Variants in IPPK observed in about 807,000 individuals in gnomAD.
The protein encoded by IPPK is inositol-pentakisphosphate 2-kinase, also known as IPK1 homolog.
Under a neutral mutation model 64.6 loss-of-function variants are expected in IPPK, and 22 were observed. The observed-to-expected ratio is 0.34, with a 90% CI of 0.24 to 0.49. IPPK has a LOEUF of 0.49. Ranked by LOEUF, IPPK falls within the 20% of genes least tolerant of loss-of-function variation. The probability of loss-of-function intolerance (pLI) is 0.99; values close to 1 mark genes in which losing one functional copy is unlikely to be tolerated. For synonymous variants in IPPK, 262 were observed against 247.2 expected, an observed-to-expected ratio of 1.06 and a Z score of -0.56; for missense variants, 532 against 630.7, an observed-to-expected ratio of 0.84 and a Z score of 1.68.
chr9:92,624,125 C>G (rs1358007152), intron 11 of IPPK, among the ~76,000 whole-genome samples: 1 of 151,972 alleles, frequency 6.6e-6, no homozygotes, highest in Non-Finnish European at 1.5e-5. Context: ...TGCTTGAGCC[C>G]AGGAGATCGA....
chr9:92,617,304 G>C (rs1851470987), intron 12 of IPPK: 1 of 152,194 alleles, frequency 6.6e-6, no homozygotes, highest in Non-Finnish European at 1.5e-5. Flanking sequence ...CCCATGACTA[G>C]GGTTACGTAT....
chr9:92,621,507 CTTTTT>C (rs58003734), intron 11 of IPPK, among the ~76,000 whole-genome samples: 51 of 87,814 alleles, frequency 5.8e-4, no homozygotes, highest in African/African-American at 2.1e-3. Flanking sequence ...AATACCATTC[CTTTTT>C]TTTTTTTTTT....
Position 92,669,915 on chromosome 9 carries a change from T to G in IPPK, c.74A>C (p.His25Pro). Residue 25 changes from histidine (H) to proline (P), a missense_variant, in exon 1 of 13, where the codon CAC becomes CCC. Coordinates refer to ENST00000287996, the MANE Select transcript of IPPK (RefSeq NM_022755.6). ...GEGNKSLVVA[H>P]AQRCVVLRFL... is the part of the protein sequence containing the mutation. Reference sequence around the variant, plus strand: ...CGCACGTCCACCGCTCACCTGCGCGTGGGCCACCACCAGGCTCTTATTGCC... The same window carrying G: ...CGCACGTCCACCGCTCACCTGCGCGGGGGCCACCACCAGGCTCTTATTGCC... The G allele has an allele frequency of 6.2e-7, 1 of 1,611,348 alleles. No individual in the cohort carries two copies. Among genetic ancestry groups the G allele is most frequent in the Non-Finnish European group, 8.5e-7 (1 of 1,178,468 alleles).
rs753315294 is a variant in IPPK at position 92,638,095 on chromosome 9, G to A, written c.822C>T (p.Asp274=). 3 of 1,613,744 alleles carry A rather than the reference G, an allele frequency of 1.9e-6. No individual in the cohort carries two copies. The highest frequency in any genetic ancestry group is 1.7e-5 in the Admixed American group (1 of 60,000). The change falls in exon 9 of 13, where the codon GAC becomes GAT. Residue 274 remains aspartate, a synonymous_variant. Transcript: ENST00000287996. ...GACTCAGGGTGCCTGCCCGGCCCTT[G>A]TCCGAGCCACTCAGCAGCACCCGTG... The part of the protein sequence containing the change: ...VITRVLLSGS[D]KGRAGTLSPG...
At chr9:92,652,448 CAAA>C (rs376104704) in intron 4 of IPPK, 122 bp downstream of exon 4, 3,627 of 213,452 alleles carry the variant, frequency 0.017, 1 homozygote, top group Middle Eastern at 0.024. Context: ...GACTCCGTCT[CAAA>C]AAAAAAAAAA....
chr9:92,648,451 C>T (rs1406784925), intron 5 of IPPK, among the ~76,000 whole-genome samples: 1 of 152,230 alleles, frequency 6.6e-6, no homozygotes, highest in African/African-American at 2.4e-5. Flanking sequence ...AATGTGACTG[C>T]AAGCCTCTAG....
chr9:92,639,617 A>C (rs1479736813), intron 8 of IPPK, among the ~76,000 whole-genome samples: 2 of 152,238 alleles, frequency 1.3e-5, no homozygotes, highest in African/African-American at 4.8e-5. Context: ...GGTGCAGGCC[A>C]GATGGGGTCA....
chr9:92,635,283 C>A lies in IPPK; in HGVS notation c.942G>T (p.Gly314=). The A allele has an allele frequency of 6.2e-7, 1 of 1,613,640 alleles. No individual in the cohort carries two copies. Among genetic ancestry groups the A allele is most frequent in the Non-Finnish European group, 8.5e-7 (1 of 1,179,832 alleles). The part of the protein sequence containing the change: ...CQGKNTPERS[G]LPKGCLLYKT... ...TGTACAGAAGACAGCCCTTCGGTAACCCCGAGCGCTCTGGGGTGTTTTTTC... is the reference window on the plus strand; with the variant it reads ...TGTACAGAAGACAGCCCTTCGGTAAACCCGAGCGCTCTGGGGTGTTTTTTC... Residue 314 remains glycine, a synonymous_variant, in exon 10 of 13, where the codon GGG becomes GGT. Coordinates refer to ENST00000287996, the MANE Select transcript of IPPK (RefSeq NM_022755.6). This position sits in a 1 kb window ranked among gnomAD's most constrained non-coding sequence, Gnocchi z 4.4.
chr9:92,660,477 T>A (rs1024963561), intron 1 of IPPK, among the ~76,000 whole-genome samples: 1 of 152,192 alleles, frequency 6.6e-6, no homozygotes, highest in African/African-American at 2.4e-5. Context: ...CTGCGGCATC[T>A]ACAGGAAAGC....
At chr9:92,626,499 A>G (rs1288227643) in intron 11 of IPPK, among the ~76,000 whole-genome samples, 32 of 152,250 alleles carry the variant, frequency 2.1e-4, no homozygotes, top group Admixed American at 2.0e-3. Context: ...TAGAGCTGAA[A>G]AAAGAAAAGC....
chr9:92,619,757 G>A (rs1851566806), intron 11 of IPPK, 192 bp from the exon 12 acceptor site: 2 of 608,370 alleles, frequency 3.3e-6, no homozygotes, highest in East Asian at 2.8e-5. Flanking sequence ...CCAGCCCTCA[G>A]TGCCACGGGG....
At chr9:92,653,418 C>T (rs1201476237) in intron 3 of IPPK, among the ~76,000 whole-genome samples, 2 of 152,140 alleles carry the variant, frequency 1.3e-5, no homozygotes, top group African/African-American at 2.4e-5. Flanking sequence ...CATTCCCAGT[C>T]GGCTGTGCCA....
chr9:92,619,330 TAGTA>T, intron 12 of IPPK, 152 bp downstream of exon 12: 1 of 615,958 alleles, frequency 1.6e-6, no homozygotes, highest in Non-Finnish European at 2.9e-6. Flanking sequence ...GGGCGAGAGT[TAGTA>T]AGCCCCATGA....
chr9:92,666,885 C>T (rs1852609900), intron 1 of IPPK, among the ~76,000 whole-genome samples: 1 of 152,200 alleles, frequency 6.6e-6, no homozygotes, highest in Non-Finnish European at 1.5e-5. Context: ...ATCCCCAGGC[C>T]TCATTTCCTA....
chr9:92,654,588 G>T (rs971918325), intron 3 of IPPK, among the ~76,000 whole-genome samples: 1 of 152,158 alleles, frequency 6.6e-6, no homozygotes, highest in Non-Finnish European at 1.5e-5. Flanking sequence ...TGTGGACCAC[G>T]CCACCATCCA....
At position 92,651,818 on chromosome 9, in the gene IPPK, C is replaced by A. The variant is rs890847984; in HGVS notation, c.292+755G>T. Among the ~76,000 whole-genome samples, 5 of 152,190 alleles carry A rather than the reference C, an allele frequency of 3.3e-5. 1 individual carries two copies. The highest frequency in any genetic ancestry group is 3.3e-4 in the Admixed American group (5 of 15,280). On this transcript the variant is annotated intron_variant, in intron 4 of 12. Coordinates refer to ENST00000287996, the MANE Select transcript of IPPK (RefSeq NM_022755.6). The stretch of plus-strand genomic sequence containing the variant: ...GAAATCTCTGCCTCCCGGGTTCCAG[C>A]GATTCTCCTGCCTCAACTTCCCAAG...
At chr9:92,661,236 G>A (rs151076208) in intron 1 of IPPK, among the ~76,000 whole-genome samples, 5,504 of 152,238 alleles carry the variant, frequency 0.036, 141 homozygotes, top group Middle Eastern at 0.075. Context: ...GTCCAGCCTC[G>A]CCTGCTGGCC....
At chr9:92,619,330 T>C (rs1851548423) in intron 12 of IPPK, 156 bp downstream of exon 12, 2 of 615,958 alleles carry the variant, frequency 3.2e-6, no homozygotes, top group Non-Finnish European at 5.9e-6. Flanking sequence ...GGGCGAGAGT[T>C]AGTAAGCCCC....
chr9:92,626,930 AC>A (rs1851745545), intron 11 of IPPK, among the ~76,000 whole-genome samples: 1 of 151,878 alleles, frequency 6.6e-6, no homozygotes, highest in African/African-American at 2.4e-5. Flanking sequence ...AAAAAAAAAA[AC>A]AGAAATGAAG....
Sources: gnomAD v4.1 joint callset for allele counts (sites outside exome capture counted in the v4.1 genomes callset) on GRCh38, gnomAD v4.1.1 for gene constraint, Gnocchi (gnomAD v3.1) non-coding constraint, MANE v1.5 for transcripts, NCBI Gene and HGNC (gene_info 2026-07-23, HGNC 2026-07-21) for gene names.